The following PPP1R9A variants were observed in gnomAD, a reference collection of about 807,000 sequenced individuals.
PPP1R9A encodes protein phosphatase 1 regulatory subunit 9A.
In PPP1R9A, 59 loss-of-function variants were observed where a neutral mutation model predicts 141.9. The ratio of observed to expected loss-of-function variants is 0.42; its 90% confidence interval spans 0.34 to 0.52. The LOEUF is 0.52. Ranked by LOEUF, PPP1R9A falls within the 20% of genes least tolerant of loss-of-function variation. The pLI is 0.10. For missense variants in PPP1R9A, 1,444 were observed against 1,611.9 expected (o/e 0.90, Z 1.78); for synonymous variants, 500 against 569.7 (o/e 0.88, Z 1.74).
intron 5 of PPP1R9A, among the ~76,000 whole-genome samples, chr7:95,181,562 A>AAT (rs1297237281): frequency 2.9e-5 from 4 of 137,244 alleles, no homozygotes; most frequent in South Asian, 2.3e-4. Context: ...ATATATATAG[A>AAT]ATATATATAT....
intron 5 of PPP1R9A, among the ~76,000 whole-genome samples, chr7:95,164,500 A>G (rs1382094281): frequency 1.3e-5 from 2 of 151,664 alleles, no homozygotes; most frequent in Non-Finnish European, 2.9e-5. Context: ...TCTGCTTGGG[A>G]TTCAATCTGA....
intron 12 of PPP1R9A, among the ~76,000 whole-genome samples, chr7:95,260,294 A>G (rs975613405): frequency 6.6e-5 from 10 of 152,234 alleles, no homozygotes; most frequent in African/African-American, 2.4e-4. Context: ...GCAAATTGAC[A>G]GCTCTGCTTC....
chr7:95,095,373 GA>G (rs1449243021), intron 2 of PPP1R9A, among the ~76,000 whole-genome samples: 1 of 152,176 alleles, frequency 6.6e-6, no homozygotes, highest in Non-Finnish European at 1.5e-5. Context: ...CAAGGTCAGT[GA>G]TCCCCAGATT....
chr7:94,964,814 T>A (rs1296950936), intron 2 of PPP1R9A, among the ~76,000 whole-genome samples: 4 of 152,066 alleles, frequency 2.6e-5, no homozygotes, highest in African/African-American at 9.7e-5. Flanking sequence ...TGTGTCTTTT[T>A]AGTAGAATGA....
chr7:95,218,323 G>T (rs138466432), intron 7 of PPP1R9A, among the ~76,000 whole-genome samples: 4 of 152,268 alleles, frequency 2.6e-5, no homozygotes, highest in African/African-American at 9.6e-5. Flanking sequence ...TTGCAGTGTG[G>T]TCTGAGAGAC....
At chr7:95,072,357 A>G (rs965372683) in intron 2 of PPP1R9A, among the ~76,000 whole-genome samples, 15 of 144,308 alleles carry the variant, frequency 1.0e-4, no homozygotes, top group African/African-American at 3.8e-4. Flanking sequence ...ATATTATTAT[A>G]TAATATTATT....
chr7:95,252,127 C>A lies in PPP1R9A; in HGVS notation c.2662C>A (p.Gln888Lys). ...GACATCTTGCCAAGATGGCCTAAGT[C>A]AAGGTTTGTTTAACCCAACCACAAA... ...KQTSCQDGLS[Q>K]DLNEAVPETE... Residue 888 changes from glutamine to lysine, a missense_variant, in exon 12 of 20, where the codon CAA becomes AAA. Transcript: ENST00000433360. The A allele has an allele frequency of 6.3e-7, 1 of 1,584,672 alleles. No individual in the cohort carries two copies. The highest frequency in any genetic ancestry group is 1.2e-5 in the South Asian group (1 of 84,202).
intron 5 of PPP1R9A, among the ~76,000 whole-genome samples, chr7:95,171,823 A>G (rs988378589): frequency 3.3e-5 from 5 of 151,646 alleles, no homozygotes; most frequent in Non-Finnish European, 5.9e-5. Context: ...TATGAAGCCA[A>G]TGTTGCTATG....
chr7:95,230,805 C>A (rs1019820183), intron 8 of PPP1R9A, among the ~76,000 whole-genome samples: 2 of 152,130 alleles, frequency 1.3e-5, no homozygotes, highest in Admixed American at 6.5e-5. Flanking sequence ...ATAGAACCTT[C>A]TTCAAGCATA....
chr7:95,172,439 A>G (rs1259634867), intron 5 of PPP1R9A, among the ~76,000 whole-genome samples: 1 of 151,834 alleles, frequency 6.6e-6, no homozygotes, highest in Non-Finnish European at 1.5e-5. Flanking sequence ...AAGTTGTCCA[A>G]TCATGTTACA....
intron 2 of PPP1R9A, among the ~76,000 whole-genome samples, chr7:95,050,903 G>A (rs1217429962): frequency 6.6e-6 from 1 of 152,164 alleles, no homozygotes; most frequent in Non-Finnish European, 1.5e-5. Context: ...CCTGCTGGAT[G>A]TCTCTAAATG....
intron 2 of PPP1R9A, among the ~76,000 whole-genome samples, chr7:94,931,761 A>G (rs922100110): frequency 6.6e-6 from 1 of 152,138 alleles, no homozygotes; most frequent in African/African-American, 2.4e-5. Flanking sequence ...TATTTTTAGT[A>G]GAGACAGGGT....
chr7:95,121,684 C>A (rs1473497596), intron 4 of PPP1R9A, among the ~76,000 whole-genome samples: 1 of 151,890 alleles, frequency 6.6e-6, no homozygotes, highest in African/African-American at 2.4e-5. Flanking sequence ...CTGGGAAGTC[C>A]AAGATTAAGG....
In PPP1R9A at chr7:94,966,631, G is replaced by A. The variant is rs950311459; in HGVS notation, c.1395+55123G>A. ...ATGGATTACGTTTATTAATTTGCCT[G>A]TGTTGAACCAGCCTTGCATCCCAGG... On this transcript the variant is annotated intron_variant, in intron 2 of 19. Coordinates refer to ENST00000433360, the MANE Select transcript of PPP1R9A (RefSeq NM_001166160.2). Among the ~76,000 whole-genome samples, 5 of 152,212 alleles carry A rather than the reference G, an allele frequency of 3.3e-5. No homozygotes were observed. In the South Asian group the frequency reaches 1.0e-3, roughly 32 times the overall value.
intron 2 of PPP1R9A, among the ~76,000 whole-genome samples, chr7:95,070,144 T>C (rs1022816495): frequency 1.3e-5 from 2 of 152,172 alleles, no homozygotes; most frequent in South Asian, 2.1e-4. Flanking sequence ...GCTATTGGCT[T>C]ACTTGGTTTT....
chr7:95,162,965 G>C (rs748773424), intron 5 of PPP1R9A, among the ~76,000 whole-genome samples: 1 of 152,144 alleles, frequency 6.6e-6, no homozygotes, highest in African/African-American at 2.4e-5. Flanking sequence ...CCTGAGAAAA[G>C]AATGTAAAAT....
chr7:94,967,847 G>C (rs529193932), intron 2 of PPP1R9A, among the ~76,000 whole-genome samples: 1 of 152,272 alleles, frequency 6.6e-6, no homozygotes, highest in South Asian at 2.1e-4. Flanking sequence ...GTCAATTTTA[G>C]AATAAGTGCA....
At chr7:95,211,865 C>A (rs1792212075) in intron 7 of PPP1R9A, among the ~76,000 whole-genome samples, 1 of 152,100 alleles carries the variant, frequency 6.6e-6, no homozygotes, top group Non-Finnish European at 1.5e-5. Context: ...TGCTGCATGC[C>A]TATAGTCCCA....
intron 2 of PPP1R9A, among the ~76,000 whole-genome samples, chr7:94,995,086 T>C (rs1174492201): frequency 1.3e-5 from 2 of 152,036 alleles, no homozygotes; most frequent in Middle Eastern, 6.4e-3. Context: ...CTTGCCTTTA[T>C]TTTTGAAGAT....
Sources: gnomAD v4.1 joint callset for allele counts (sites outside exome capture counted in the v4.1 genomes callset) on GRCh38, gnomAD v4.1.1 for gene constraint, MANE v1.5 for transcripts, NCBI Gene and HGNC (gene_info 2026-07-23, HGNC 2026-07-21) for gene names.